Variants in ABCA1 observed in about 807,000 individuals in gnomAD.
The protein encoded by ABCA1 is ATP binding cassette subfamily A member 1, also known as phospholipid-transporting ATPase ABCA1.
Under a neutral mutation model 262.5 loss-of-function variants are expected in ABCA1, and 133 were observed. The ratio of observed to expected loss-of-function variants is 0.51; its 90% CI spans 0.44 to 0.59. ABCA1 has a LOEUF of 0.59. ABCA1 is among the 20% of genes least tolerant of loss of function. ABCA1 has a pLI of 0.00. For missense variants in ABCA1, 2,452 were observed against 2,777.5 expected, an observed-to-expected ratio of 0.88 and a Z score of 2.63; for synonymous variants, 1,022 against 1,043.5, an observed-to-expected ratio of 0.98 and a Z score of 0.40.
At chr9:104,886,705 C>T (rs1192702769) in intron 3 of ABCA1, among the ~76,000 whole-genome samples, 1 of 152,164 alleles carries the variant, frequency 6.6e-6, no homozygotes, top group Non-Finnish European at 1.5e-5. Flanking sequence ...CTTCCTTGTA[C>T]GTTGTGCCCC....
chr9:104,913,739 A>G (rs1841641295), intron 1 of ABCA1, among the ~76,000 whole-genome samples: 2 of 152,146 alleles, frequency 1.3e-5, no homozygotes, highest in African/African-American at 2.4e-5. Context: ...CAGAGGTTGC[A>G]CCTATCCTCC....
At position 104,788,571 on chromosome 9, in the gene ABCA1, C is replaced by A; in HGVS notation, c.5928-4G>T. On this transcript the variant is annotated splice_polypyrimidine_tract_variant and splice_region_variant and intron_variant, in intron 44 of 49. Coordinates refer to ENST00000374736, the MANE Select transcript of ABCA1 (RefSeq NM_005502.4). ...TTCATGGATGTTTGATAAGATACTGCAAAGGACAAGAAAACTACTTAGATT... is the reference window on the plus strand; with the variant it reads ...TTCATGGATGTTTGATAAGATACTGAAAAGGACAAGAAAACTACTTAGATT... 1 of 1,614,096 alleles carries A rather than the reference C, an allele frequency of 6.2e-7. No individual in the cohort carries two copies.
intron 34 of ABCA1, 149 bp from the exon 35 acceptor site, chr9:104,800,733 A>C: frequency 1.3e-6 from 1 of 748,000 alleles, no homozygotes; most frequent in Non-Finnish European, 2.4e-6. Flanking sequence ...CCATTAAATA[A>C]ACGGCTCCTG....
At position 104,829,109 on chromosome 9, in the gene ABCA1, G is replaced by A. The variant is rs369785854; in HGVS notation, c.1922C>T (p.Pro641Leu). Residue 641 changes from proline to leucine, a missense_variant, in exon 15 of 50, where the codon CCC becomes CTC. Pro to Leu is a moderately conservative substitution (Grantham distance 98). Transcript: ENST00000374736. ...AATCCAGGCCAGCGTCATGAAGAGGGGCATTGACCGGCTCATCACCCGCAG... is the reference window on the plus strand; with the variant it reads ...AATCCAGGCCAGCGTCATGAAGAGGAGCATTGACCGGCTCATCACCCGCAG... ...IFLRVMSRSM[P>L]LFMTLAWIYS... 6.2e-7 allele frequency: 1 copy of A among 1,614,038 alleles called. No homozygotes were observed. The highest frequency in any genetic ancestry group is 8.5e-7 in the Non-Finnish European group (1 of 1,180,052).
chr9:104,878,685 G>A (rs1460698231), intron 5 of ABCA1, among the ~76,000 whole-genome samples: 5 of 152,120 alleles, frequency 3.3e-5, no homozygotes, highest in East Asian at 1.9e-4. Context: ...TATAGGAGAC[G>A]CTCAATATAT....
intron 29 of ABCA1, among the ~76,000 whole-genome samples, chr9:104,810,169 CT>C (rs930311534): frequency 0.078 from 9,135 of 116,850 alleles, 338 homozygotes; most frequent in South Asian, 0.16. Flanking sequence ...TATATATATA[CT>C]TTTTTTTTTT....
chr9:104,788,144 G>T, intron 45 of ABCA1, 90 bp from the exon 46 acceptor site: 1 of 1,384,916 alleles, frequency 7.2e-7, no homozygotes, highest in Non-Finnish European at 1.0e-6. Flanking sequence ...TTCTTTCACT[G>T]AGTAGGACTA....
intron 5 of ABCA1, among the ~76,000 whole-genome samples, chr9:104,879,658 T>C (rs1838455683): frequency 6.6e-6 from 1 of 152,254 alleles, no homozygotes; most frequent in Admixed American, 6.5e-5. Flanking sequence ...CAATTCTGCC[T>C]ATTTAAAATA....
Position 104,818,799 on chromosome 9 carries a change from A to G in ABCA1, c.3326T>C (p.Leu1109Pro). 6.2e-7 allele frequency: 1 copy of G among 1,614,082 alleles called. No individual in the cohort carries two copies. The highest frequency in any genetic ancestry group is 1.1e-5 in the South Asian group (1 of 91,080). The part of the protein sequence containing the change: ...DRIAIISHGK[L>P]CCVGSSLFLK... ...AAACAGGGAGGAGCCCACACAGCAC[A>G]GCTTCCCATGGGAGATGATGGCAAT... Residue 1109 changes from leucine (L) to proline (P), a missense_variant, in exon 23 of 50, where the codon CTG becomes CCG. This residue lies in a region of ABCA1 where 665 missense variants were observed against 727.3 expected (regional missense o/e 0.91). Transcript: ENST00000374736.
At chr9:104,860,937 A>G (rs1836324437) in intron 6 of ABCA1, among the ~76,000 whole-genome samples, 1 of 151,968 alleles carries the variant, frequency 6.6e-6, no homozygotes, top group Non-Finnish European at 1.5e-5. Flanking sequence ...TCATATTTTT[A>G]GTAGAGACAG....
At chr9:104,916,641 C>T (rs553387405) in intron 1 of ABCA1, among the ~76,000 whole-genome samples, 44 of 152,290 alleles carry the variant, frequency 2.9e-4, no homozygotes, top group African/African-American at 8.4e-4. Context: ...AAATTTAGCA[C>T]GCCATTCTAC....
At chr9:104,831,953 C>T (rs1200378768) in intron 12 of ABCA1, 126 bp from the exon 13 acceptor site, 1 of 940,174 alleles carries the variant, frequency 1.1e-6, no homozygotes, top group African/African-American at 1.6e-5. Context: ...CTAATCCTCT[C>T]TAACGTAGTT....
intron 17 of ABCA1, among the ~76,000 whole-genome samples, chr9:104,825,001 T>C (rs931150065): frequency 3.3e-5 from 5 of 152,254 alleles, no homozygotes; most frequent in Non-Finnish European, 5.9e-5. Context: ...AAGGGTTAAA[T>C]CTTGCTCTCT....
At chr9:104,836,922 A>G in intron 11 of ABCA1, 58 bp downstream of exon 11, 2 of 1,380,350 alleles carry the variant, frequency 1.4e-6, no homozygotes, top group South Asian at 1.2e-5. Context: ...GAAAGTGACC[A>G]GAAACTCACC....
At chr9:104,870,699 G>A (rs1425001298) in intron 5 of ABCA1, among the ~76,000 whole-genome samples, 3 of 152,150 alleles carry the variant, frequency 2.0e-5, no homozygotes, top group Non-Finnish European at 4.4e-5. Flanking sequence ...CACCAAACAG[G>A]CTTTGTGTGA....
chr9:104,815,496 G>A (rs904827808), intron 25 of ABCA1, among the ~76,000 whole-genome samples: 2 of 152,082 alleles, frequency 1.3e-5, no homozygotes, highest in Non-Finnish European at 2.9e-5. Context: ...AAGAGAGGAT[G>A]GACTTTGAAG....
chr9:104,919,569 G>A (rs149607070), intron 1 of ABCA1, among the ~76,000 whole-genome samples: 2,359 of 151,890 alleles, frequency 0.016, 58 homozygotes, highest in African/African-American at 0.053. Flanking sequence ...CCGAGATTGC[G>A]CCACTGCACT....
At chr9:104,875,117 T>G (rs953668287) in intron 5 of ABCA1, among the ~76,000 whole-genome samples, 6 of 151,748 alleles carry the variant, frequency 4.0e-5, no homozygotes, top group Non-Finnish European at 8.8e-5. Context: ...GAAGTAGACA[T>G]AGGAGATTCC....
Position 104,905,551 on chromosome 9 carries a change from C to T in ABCA1, c.-92-1780G>A, listed in dbSNP as rs1294164817. Among the ~76,000 whole-genome samples the T allele has an allele frequency of 2.6e-5, 4 of 152,162 alleles. No individual in the cohort carries two copies. The East Asian group carries it at 7.7e-4, about 29-fold the overall frequency. ...CAGCAAACTTCTAGAAGGACACAGG[C>T]CTCCAAAGTTTCTTACTCCAAAAAG... On this transcript the variant is annotated intron_variant, in intron 1 of 49. Transcript: ENST00000374736.
Sources: allele counts gnomAD v4.1 joint callset (sites outside exome capture counted in the v4.1 genomes callset), GRCh38; gene constraint gnomAD v4.1.1; regional missense constraint gnomAD v4.1.1; transcripts MANE v1.5; gene names NCBI Gene and HGNC (gene_info 2026-07-23, HGNC 2026-07-21).